GSE1: variants seen among roughly 807,000 people sequenced by gnomAD.
GSE1 encodes the protein genetic suppressor element 1.
In GSE1, 32 loss-of-function variants were observed where a neutral mutation model predicts 112.6. That is an observed-to-expected ratio of 0.28 (90% CI 0.21 to 0.38). The LOEUF (loss-of-function observed/expected upper bound fraction) is 0.38. Ranked by LOEUF, GSE1 falls within the 10% of genes least tolerant of loss-of-function variation. The probability of loss-of-function intolerance (pLI) is 1.00; values close to 1 mark genes in which losing one functional copy is unlikely to be tolerated. For missense variants in GSE1, 2,348 were observed against 1,699.2 expected (o/e 1.38, Z -6.71); for synonymous variants, 1,115 against 735.6 (o/e 1.52, Z -8.35).
At chr16:85,534,673 G>A (rs1020237639) in intron 2 of GSE1, among the ~76,000 whole-genome samples, 2 of 152,182 alleles carry the variant, frequency 1.3e-5, no homozygotes, top group Non-Finnish European at 2.9e-5. Context: ...TGGTCGTGCC[G>A]CCGTGAGCTC....
At chr16:85,341,052 C>T (rs1034804220) in intron 1 of GSE1, among the ~76,000 whole-genome samples, 1 of 152,150 alleles carries the variant, frequency 6.6e-6, no homozygotes, top group Non-Finnish European at 1.5e-5. Flanking sequence ...AGATGCTGCA[C>T]CTGTGTTGAT....
intron 1 of GSE1, among the ~76,000 whole-genome samples, chr16:85,598,916 C>T (rs1219473616): frequency 6.6e-6 from 1 of 152,226 alleles, no homozygotes; most frequent in Non-Finnish European, 1.5e-5. Context: ...GTGATTGGAG[C>T]ATCGGGGCAG....
chr16:85,228,390 C>T (rs1477231664), intron 1 of GSE1, among the ~76,000 whole-genome samples: 1 of 152,192 alleles, frequency 6.6e-6, no homozygotes, highest in Admixed American at 6.5e-5. Context: ...GAGGGCAAAG[C>T]TCTGGGGCCA....
In GSE1 at chr16:85,544,061, C is replaced by G. The variant is rs550577581; in HGVS notation, c.2465-89853C>G. ...CATTGCTCAGGCTGATGTCGAACTCCTGGGCCCAAGTGATCCACCCACCTC... is the reference window on the plus strand; with the variant it reads ...CATTGCTCAGGCTGATGTCGAACTCGTGGGCCCAAGTGATCCACCCACCTC... On this transcript the variant is annotated intron_variant, in intron 2 of 2. Transcript: ENST00000637419. Among the ~76,000 whole-genome samples, 7 of 152,334 alleles carry G rather than the reference C, an allele frequency of 4.6e-5. No homozygotes were observed. In the East Asian group the frequency reaches 9.7e-4, roughly 21 times the overall value.
At chr16:85,171,908 T>A (rs1326075742) in intron 1 of GSE1, 1 of 639,900 alleles carries the variant, frequency 1.6e-6, no homozygotes, top group Non-Finnish European at 1.9e-6. Context: ...GAAGGAGGAG[T>A]TTTCACTGGT....
In GSE1 at chr16:85,311,994, A is replaced by T. The variant is rs948102251; in HGVS notation, c.2284-45469A>T. On this transcript the variant is annotated intron_variant, in intron 1 of 2. Coordinates refer to the GSE1 transcript ENST00000637419. This position sits in a 1 kb window ranked among gnomAD's most constrained non-coding sequence, Gnocchi z 4.2. Reference sequence around the variant, plus strand: ...CTGGAGATGTGGGCGGTGTCCGTGCACACTGCTGGAGCAGCTGGGCCAGCT... The same window carrying T: ...CTGGAGATGTGGGCGGTGTCCGTGCTCACTGCTGGAGCAGCTGGGCCAGCT... 1.3e-5 allele frequency among the ~76,000 whole-genome samples: 2 copies of T among 152,174 alleles called. No individual in the cohort carries two copies. The highest frequency in any genetic ancestry group is 4.8e-5 in the African/African-American group (2 of 41,434).
At chr16:85,635,005 A>G (rs1017019691) in intron 2 of GSE1, among the ~76,000 whole-genome samples, 2 of 152,138 alleles carry the variant, frequency 1.3e-5, no homozygotes, top group African/African-American at 4.8e-5. Context: ...TTCACCTCCA[A>G]GGCCCACGGG....
chr16:85,187,209 GGATCC>G (rs2143394156), intron 1 of GSE1, among the ~76,000 whole-genome samples: 1 of 152,370 alleles, frequency 6.6e-6, no homozygotes, highest in African/African-American at 2.4e-5. Context: ...AGGCATGATG[GGATCC>G]CTTGTGACTG....
At chr16:85,171,998 C>T (rs2074366875) in intron 1 of GSE1, among the ~76,000 whole-genome samples, 1 of 152,118 alleles carries the variant, frequency 6.6e-6, no homozygotes, top group African/African-American at 2.4e-5. Context: ...CCTGGCTGAC[C>T]TTGGAGGCAT....
intron 1 of GSE1, among the ~76,000 whole-genome samples, chr16:85,613,877 G>C (rs1174517110): frequency 6.8e-6 from 1 of 146,330 alleles, no homozygotes; most frequent in Non-Finnish European, 1.5e-5. Context: ...GGGGGTGCTC[G>C]CTACTGGGGC....
In GSE1 at chr16:85,654,286, C is replaced by G. The variant is rs1028230636; in HGVS notation, c.435C>G (p.Gly145=). ...ACGCTCTCCTCCCGCAGGATGCCGG[C>G]TCCAGGAGCAGCAGTGGAGGTCGGG... ...VWRSESRQDA[G]SRSSSGGRER... Residue 145 remains glycine, a synonymous_variant, in exon 4 of 16, where the codon GGC becomes GGG. Transcript: ENST00000253458. The G allele has an allele frequency of 1.1e-5, 17 of 1,599,028 alleles. No homozygotes were observed. Among genetic ancestry groups the G allele is most frequent in the Middle Eastern group, 1.8e-4 (1 of 5,626 alleles).
intron 1 of GSE1, among the ~76,000 whole-genome samples, chr16:85,599,668 G>A (rs1366786282): frequency 2.6e-5 from 4 of 152,214 alleles, no homozygotes; most frequent in Non-Finnish European, 5.9e-5. Context: ...TGAGGCAGTT[G>A]GAGGAGATGG....
chr16:85,204,688 T>A (rs1473786983), intron 1 of GSE1, among the ~76,000 whole-genome samples: 1 of 152,212 alleles, frequency 6.6e-6, no homozygotes, highest in African/African-American at 2.4e-5. Flanking sequence ...CTGTGTCCTC[T>A]CCCCCAGGGA....
chr16:85,404,300 C>T lies in GSE1; in HGVS notation c.2464+46657C>T, dbSNP rs1429853941. Among the ~76,000 whole-genome samples, 10 of 95,964 alleles carry T rather than the reference C, an allele frequency of 1.0e-4. 2 individuals carry two copies. Among genetic ancestry groups the T allele is most frequent in the African/African-American group, 4.1e-4 (9 of 21,930 alleles). The allele number at this position is 95,964 out of a possible 152,430, so 63.0% of individuals were successfully genotyped here. A position where few individuals can be genotyped will look rare whatever the true frequency, so the allele number is the denominator to read the frequency against. On this transcript the variant is annotated intron_variant, in intron 2 of 2. Coordinates refer to the GSE1 transcript ENST00000637419. ...TAATTCTCACTGTTACACTCAGGCCCCCCGGATAATCCTCACTCTTACACT... is the reference window on the plus strand; with the variant it reads ...TAATTCTCACTGTTACACTCAGGCCTCCCGGATAATCCTCACTCTTACACT...
chr16:85,480,678 C>T (rs1567522727), intron 2 of GSE1, among the ~76,000 whole-genome samples: 2 of 141,806 alleles, frequency 1.4e-5, no homozygotes, highest in Non-Finnish European at 2.9e-5. Context: ...GTTGCCTTCC[C>T]AGCAGGTGTG....
chr16:85,192,938 G>A (rs914297144), intron 1 of GSE1, among the ~76,000 whole-genome samples: 2 of 152,224 alleles, frequency 1.3e-5, no homozygotes, highest in East Asian at 3.9e-4. Flanking sequence ...TCTGCTGGCT[G>A]TGTGCCTGCG....
At chr16:85,671,289 A>T (rs1451728972) in intron 15 of GSE1, among the ~76,000 whole-genome samples, 191 bp downstream of exon 15, 1 of 151,568 alleles carries the variant, frequency 6.6e-6, no homozygotes, top group Non-Finnish European at 1.5e-5. Context: ...AAATACAAAA[A>T]ATTAGCCGGG....
intron 1 of GSE1, among the ~76,000 whole-genome samples, chr16:85,628,791 C>T (rs2049289097): frequency 6.6e-6 from 1 of 151,978 alleles, no homozygotes. Context: ...TTCTCGTTGC[C>T]ATCTGAAGAC....
At chr16:85,321,759 C>T (rs558095360) in intron 1 of GSE1, among the ~76,000 whole-genome samples, 1 of 151,808 alleles carries the variant, frequency 6.6e-6, no homozygotes, top group African/African-American at 2.4e-5. Flanking sequence ...TGCCACTGCC[C>T]TCCAGCCTGG....
Sources: allele counts gnomAD v4.1 joint callset (sites outside exome capture counted in the v4.1 genomes callset), GRCh38; gene constraint gnomAD v4.1.1; non-coding constraint Gnocchi (gnomAD v3.1); transcripts MANE v1.5; gene names NCBI Gene and HGNC (gene_info 2026-07-23, HGNC 2026-07-21).